The following MBOAT2 variants were observed in gnomAD, a reference collection of about 807,000 sequenced individuals.
MBOAT2 encodes membrane bound glycerophospholipid O-acyltransferase 2, also known as membrane-bound glycerophospholipid O-acyltransferase 2.
In MBOAT2, 28 loss-of-function variants were observed where a neutral mutation model predicts 63.4. That is an observed-to-expected ratio of 0.44 (90% confidence interval 0.33 to 0.61). The LOEUF is 0.61. Ranked by LOEUF, MBOAT2 falls within the 20% of genes least tolerant of loss-of-function variation. The pLI is 0.03. For synonymous variants in MBOAT2, 211 were observed against 215.6 expected, an observed-to-expected ratio of 0.98 and a Z score of 0.19; for missense variants, 470 against 605.8, an observed-to-expected ratio of 0.78 and a Z score of 2.35.
rs67420836 is a variant in MBOAT2, at chr2:8,912,373, G to GAAAGAGAA, written c.300-3658_300-3657insTTCTCTTT. Among the ~76,000 whole-genome samples the GAAAGAGAA allele has an allele frequency of 7.8e-3, 657 of 84,304 alleles. 2 individuals are homozygous for GAAAGAGAA. Among genetic ancestry groups the GAAAGAGAA allele is most frequent in the Non-Finnish European group, 0.013 (511 of 40,662 alleles). 55.3% of individuals were successfully genotyped at this position (84,304 alleles called of 152,430 possible). A position where few individuals can be genotyped will look rare whatever the true frequency, so the allele number is the denominator to read the frequency against. On this transcript the variant is annotated intron_variant, in intron 3 of 12. Coordinates refer to ENST00000305997, the MANE Select transcript of MBOAT2 (RefSeq NM_138799.4). ...AAAGAGAAAGAAAGAAAGAAAGAAA[G>GAAAGAGAA]AGAAAGAAAGAAAGAAAGAAAGAAA... is the stretch of plus-strand genomic sequence containing the variant.
At chr2:8,953,111 CTT>C (rs1446848332) in intron 2 of MBOAT2, among the ~76,000 whole-genome samples, 1 of 152,058 alleles carries the variant, frequency 6.6e-6, no homozygotes, top group Non-Finnish European at 1.5e-5. Flanking sequence ...AGGTATTGTT[CTT>C]TGTTTCTGTG....
At chr2:8,942,189 C>T (rs1328931465) in intron 3 of MBOAT2, among the ~76,000 whole-genome samples, 1 of 152,142 alleles carries the variant, frequency 6.6e-6, no homozygotes, top group African/African-American at 2.4e-5. Context: ...GTACACATTA[C>T]AACAGAGGTA....
intron 3 of MBOAT2, among the ~76,000 whole-genome samples, chr2:8,924,846 T>C (rs1384944929): frequency 2.0e-5 from 3 of 152,192 alleles, no homozygotes; most frequent in Admixed American, 6.5e-5. Flanking sequence ...TGGCTATTGG[T>C]ATTAAGCAAG....
chr2:8,995,751 C>T (rs922704332), intron 1 of MBOAT2, among the ~76,000 whole-genome samples: 3 of 152,060 alleles, frequency 2.0e-5, no homozygotes, highest in African/African-American at 4.8e-5. Context: ...CCACCATGCC[C>T]GGCCTAATTT....
intron 2 of MBOAT2, 72 bp from the exon 3 acceptor site, chr2:8,943,336 A>C (rs1310030219): frequency 4.5e-6 from 4 of 895,474 alleles, no homozygotes; most frequent in Non-Finnish European, 6.9e-6. Context: ...GAATTAAGCT[A>C]AAAAATACTT....
chr2:8,888,085 T>C lies in MBOAT2; in HGVS notation c.396-12A>G, dbSNP rs1310871424. On this transcript the variant is annotated splice_polypyrimidine_tract_variant and intron_variant, in intron 4 of 12. Transcript: ENST00000305997. Reference sequence around the variant, plus strand: ...TGATCATCATTGGGCTGTGACAAGATAAAAAAAATTAGTGTTTTAAAAGAA... The same window carrying C: ...TGATCATCATTGGGCTGTGACAAGACAAAAAAAATTAGTGTTTTAAAAGAA... The C allele has an allele frequency of 1.2e-6, 2 of 1,606,126 alleles. No individual in the cohort carries two copies. The highest frequency in any genetic ancestry group is 1.7e-6 in the Non-Finnish European group (2 of 1,176,376).
chr2:8,895,370 G>A (rs758272205), intron 4 of MBOAT2, among the ~76,000 whole-genome samples: 2 of 152,080 alleles, frequency 1.3e-5, no homozygotes, highest in African/African-American at 2.4e-5. Flanking sequence ...TGATTGGTCC[G>A]TTTTACAGAG....
intron 1 of MBOAT2, among the ~76,000 whole-genome samples, chr2:8,971,456 C>G (rs920205792): frequency 5.9e-5 from 9 of 152,116 alleles, no homozygotes; most frequent in Non-Finnish European, 1.3e-4. Context: ...AAAACTGGCA[C>G]AAAACAGGGA....
At chr2:8,884,352 A>T (rs1663384625) in intron 5 of MBOAT2, among the ~76,000 whole-genome samples, 1 of 150,688 alleles carries the variant, frequency 6.6e-6, no homozygotes, top group South Asian at 2.1e-4. Context: ...AAAAACACTT[A>T]AAAAAAAAGA....
intron 1 of MBOAT2, among the ~76,000 whole-genome samples, chr2:8,981,004 A>AT (rs1423567530): frequency 6.6e-6 from 1 of 152,206 alleles, no homozygotes; most frequent in African/African-American, 2.4e-5. Flanking sequence ...ATATAATGAA[A>AT]TATTATTTGG....
intron 4 of MBOAT2, chr2:8,908,345 G>A (rs1473707129): frequency 3.2e-5 from 9 of 281,692 alleles, no homozygotes; most frequent in East Asian, 1.3e-4. Flanking sequence ...ACTCTTGAGC[G>A]CCTTCTCTAG....
At chr2:8,891,294 T>C (rs1407572094) in intron 4 of MBOAT2, among the ~76,000 whole-genome samples, 1 of 152,154 alleles carries the variant, frequency 6.6e-6, no homozygotes, top group Non-Finnish European at 1.5e-5. Context: ...GAAAGGATTA[T>C]AGGAAAAGTT....
At chr2:8,930,265 G>A (rs1558626714) in intron 3 of MBOAT2, among the ~76,000 whole-genome samples, 2 of 152,124 alleles carry the variant, frequency 1.3e-5, no homozygotes, top group Admixed American at 6.5e-5. Flanking sequence ...GAGTTTAAAC[G>A]GTGATCAAAA....
chr2:8,980,078 A>G (rs986335170), intron 1 of MBOAT2, among the ~76,000 whole-genome samples: 21 of 152,200 alleles, frequency 1.4e-4, no homozygotes, highest in African/African-American at 4.6e-4. Context: ...ATAGAAAAGT[A>G]GCTCAGTTTT....
At chr2:8,900,382 T>A (rs1664824137) in intron 4 of MBOAT2, among the ~76,000 whole-genome samples, 1 of 152,216 alleles carries the variant, frequency 6.6e-6, no homozygotes, top group Non-Finnish European at 1.5e-5. Flanking sequence ...GCATGACATC[T>A]CTCCAAGTGA....
At chr2:8,995,213 T>A (rs935867728) in intron 1 of MBOAT2, among the ~76,000 whole-genome samples, 1 of 151,946 alleles carries the variant, frequency 6.6e-6, no homozygotes, top group African/African-American at 2.4e-5. Flanking sequence ...CCTATCTCAA[T>A]CAATCAATCA....
At chr2:8,959,045 G>A (rs183809016) in intron 1 of MBOAT2, among the ~76,000 whole-genome samples, 19 of 152,292 alleles carry the variant, frequency 1.2e-4, no homozygotes, top group Admixed American at 6.5e-4. Flanking sequence ...AAATTTCTTC[G>A]CAAAAGCTCT....
At chr2:8,885,530 G>A (rs980703329) in intron 5 of MBOAT2, among the ~76,000 whole-genome samples, 2 of 152,014 alleles carry the variant, frequency 1.3e-5, no homozygotes, top group East Asian at 3.8e-4. Context: ...TTAGGTTCAA[G>A]TATTCCTATT....
In MBOAT2 at chr2:8,941,540, T is replaced by C. The variant is rs1031085049; in HGVS notation, c.299+1647A>G. ...GTGTACAGGCGTGGTGGTGGGAGCC[T>C]GTAATCCCAGCTACTCCGGAGGCTG... is the stretch of plus-strand genomic sequence containing the variant. On this transcript the variant is annotated intron_variant, in intron 3 of 12. Transcript: ENST00000305997. Among the ~76,000 whole-genome samples the C allele has an allele frequency of 2.6e-5, 4 of 151,812 alleles. No homozygotes were observed. The East Asian group carries it at 5.8e-4, about 22-fold the overall frequency.
Sources: allele counts gnomAD v4.1 joint callset (sites outside exome capture counted in the v4.1 genomes callset), GRCh38; gene constraint gnomAD v4.1.1; transcripts MANE v1.5; gene names NCBI Gene and HGNC (gene_info 2026-07-23, HGNC 2026-07-21).